The following ARHGEF37 variants were observed in gnomAD, a reference collection of about 807,000 sequenced individuals.
The protein encoded by ARHGEF37 is Rho guanine nucleotide exchange factor 37.
ARHGEF37 carries 55 observed loss-of-function variants against 71.1 expected under a neutral mutation model. The observed-to-expected ratio is 0.77, with a 90% CI of 0.62 to 0.97. The LOEUF is 0.97. Ranked by LOEUF, ARHGEF37 falls within the 50% of genes least tolerant of loss-of-function variation. The pLI is 0.00. For missense variants in ARHGEF37, 765 were observed against 836.8 expected, an observed-to-expected ratio of 0.91 and a Z score of 1.06; for synonymous variants, 327 against 350.6, an observed-to-expected ratio of 0.93 and a Z score of 0.75.
chr5:149,627,208 G>A lies in ARHGEF37; in HGVS notation c.1597G>A (p.Val533Met), dbSNP rs750465176. ...LDLTLPRGQI[V>M]AILQNKDTKG... Reference sequence around the variant, plus strand: ...CCTGACTCTGCCTCGGGGCCAAATCGTGGCCATCCTTCAAAACAAGGACAC... The same window carrying A: ...CCTGACTCTGCCTCGGGGCCAAATCATGGCCATCCTTCAAAACAAGGACAC... The change falls in exon 11 of 13, where the codon GTG becomes ATG. Residue 533 changes from valine (V) to methionine (M), a missense_variant. By Grantham distance (21) the Val-to-Met change is conservative. This residue lies in a region of ARHGEF37 where 390 missense variants were observed against 407.4 expected (regional missense o/e 0.96). Coordinates refer to ENST00000333677, the MANE Select transcript of ARHGEF37 (RefSeq NM_001001669.3). The A allele has an allele frequency of 5.9e-5, 96 of 1,613,952 alleles. No individual in the cohort carries two copies. Among genetic ancestry groups the A allele is most frequent in the Non-Finnish European group, 7.4e-5 (87 of 1,180,044 alleles).
chr5:149,628,569 T>C (rs1752771536), intron 11 of ARHGEF37, among the ~76,000 whole-genome samples: 1 of 152,152 alleles, frequency 6.6e-6, no homozygotes, highest in Non-Finnish European at 1.5e-5. Flanking sequence ...GTCTCTATCA[T>C]AGCTGATCAA....
chr5:149,621,753 G>A lies in ARHGEF37; in HGVS notation c.1026G>A (p.Leu342=). ...CACAGAAGCAACGGCTAGAAGGCCTGGTGTGGCAGCCACTGTGCAGCCTGG... is the reference window on the plus strand; with the variant it reads ...CACAGAAGCAACGGCTAGAAGGCCTAGTGTGGCAGCCACTGTGCAGCCTGG... ...FLKFKQRLEG[L]VWQPLCSLAK... The change falls in exon 9 of 13, where the codon CTG becomes CTA. Residue 342 remains leucine, a synonymous_variant. Transcript: ENST00000333677. 6.2e-7 allele frequency: 1 copy of A among 1,612,750 alleles called. No homozygotes were observed. The highest frequency in any genetic ancestry group is 8.5e-7 in the Non-Finnish European group (1 of 1,179,040).
intron 1 of ARHGEF37, among the ~76,000 whole-genome samples, chr5:149,593,069 C>T (rs1310268653): frequency 6.6e-6 from 1 of 152,180 alleles, no homozygotes; most frequent in Non-Finnish European, 1.5e-5. Flanking sequence ...TGTACCCAGG[C>T]ATTTTACATT....
rs1249146534 is a variant in ARHGEF37 at position 149,558,733 on chromosome 5, GTGTGTA to G, written c.-12+6612_-12+6617del. On this transcript the variant is annotated intron_variant, in intron 1 of 2. Transcript: ENST00000505810. ...TGTGTGTGTGTGTGTGTGTGTGTGT[GTGTGTA>G]TATATATTTTTATATGTATAAAATA... Among the ~76,000 whole-genome samples the G allele has an allele frequency of 9.6e-3, 470 of 49,036 alleles. 3 individuals are homozygous for G. The highest frequency in any genetic ancestry group is 0.032 in the African/African-American group (221 of 6,910). 32.2% of individuals were successfully genotyped at this position (49,036 alleles called of 152,430 possible). A position where few individuals can be genotyped will look rare whatever the true frequency, so the allele number is the denominator to read the frequency against.
At chr5:149,556,948 T>G (rs1762764261) in intron 1 of ARHGEF37, among the ~76,000 whole-genome samples, 2 of 152,316 alleles carry the variant, frequency 1.3e-5, no homozygotes, top group East Asian at 3.9e-4. Context: ...TTCAGCCTGT[T>G]TTTCAGTCTT....
chr5:149,566,422 T>C (rs181406573), intron 1 of ARHGEF37, among the ~76,000 whole-genome samples: 17 of 152,070 alleles, frequency 1.1e-4, no homozygotes, highest in Admixed American at 9.8e-4. Context: ...CACTTGAGCC[T>C]GGGAGGCAGA....
intron 1 of ARHGEF37, among the ~76,000 whole-genome samples, chr5:149,586,449 G>T (rs1342720991): frequency 6.6e-6 from 1 of 152,190 alleles, no homozygotes; most frequent in East Asian, 1.9e-4. Flanking sequence ...TTTCAGTAGA[G>T]ATGGGTTTTC....
chr5:149,604,475 C>T (rs2113327604), intron 3 of ARHGEF37, among the ~76,000 whole-genome samples: 1 of 152,192 alleles, frequency 6.6e-6, no homozygotes, highest in East Asian at 1.9e-4. Context: ...ACAGAGTCTG[C>T]AGAAAATATC....
chr5:149,632,192 G>T lies in ARHGEF37; in HGVS notation c.*1G>T. 1.9e-6 allele frequency: 3 copies of T among 1,613,848 alleles called. No individual in the cohort carries two copies. The highest frequency in any genetic ancestry group is 2.5e-6 in the Non-Finnish European group (3 of 1,179,840). ...GTGGGGCTGGAGTCTGCCCTCTTAG[G>T]GTACCCTCTTTGGAGCCTACATTGC... On this transcript the variant is annotated 3_prime_UTR_variant, in exon 13 of 13. Transcript: ENST00000333677.
intron 3 of ARHGEF37, among the ~76,000 whole-genome samples, chr5:149,605,226 CAAAA>C (rs142296894): frequency 1.7e-5 from 2 of 114,778 alleles, no homozygotes; most frequent in Non-Finnish European, 3.6e-5. Context: ...GACTGCATCT[CAAAA>C]AAAAAAAAAA....
At position 149,632,951 on chromosome 5, in the gene ARHGEF37, A is replaced by G. The variant is rs550440983; in HGVS notation, c.*760A>G. On this transcript the variant is annotated 3_prime_UTR_variant, in exon 13 of 13. Coordinates refer to ENST00000333677, the MANE Select transcript of ARHGEF37 (RefSeq NM_001001669.3). ...CAGCTACTGCTGTGTTCTCAGGACT[A>G]GGGAACAAAGGGGTATGCAAATCAT... The G allele has an allele frequency of 7.8e-5, 12 of 152,956 alleles. No homozygotes were observed. Among genetic ancestry groups the G allele is most frequent in the Admixed American group, 1.3e-4 (2 of 15,306 alleles). 9.5% of individuals were successfully genotyped at this position (152,956 alleles called of 1,614,324 possible).
intron 4 of ARHGEF37, among the ~76,000 whole-genome samples, chr5:149,614,657 A>G (rs1177984947): frequency 6.6e-6 from 1 of 151,868 alleles, no homozygotes; most frequent in Non-Finnish European, 1.5e-5. Flanking sequence ...AGTGGTTTCC[A>G]CCTCCCCTGC....
Position 149,622,011 on chromosome 5 carries a change from G to C in ARHGEF37, c.1284G>C (p.Gln428His), listed in dbSNP as rs1445000107. ...GQIMCTFVTLQRDLAKQVLQR... is the reference protein window; with the variant it reads ...GQIMCTFVTLHRDLAKQVLQR... Reference sequence around the variant, plus strand: ...TCATGTGCACATTCGTGACCCTCCAGAGGGACCTTGCAAAGCAAGTGCTGC... The same window carrying C: ...TCATGTGCACATTCGTGACCCTCCACAGGGACCTTGCAAAGCAAGTGCTGC... Residue 428 changes from glutamine to histidine, a missense_variant, in exon 9 of 13, where the codon CAG becomes CAC. This residue lies in a region of ARHGEF37 where 390 missense variants were observed against 407.4 expected (regional missense o/e 0.96). Transcript: ENST00000333677. 10 of 1,613,918 alleles carry C rather than the reference G, an allele frequency of 6.2e-6. No homozygotes were observed. Among genetic ancestry groups the C allele is most frequent in the Non-Finnish European group, 8.5e-6 (10 of 1,179,948 alleles).
At chr5:149,628,996 C>T (rs545773195) in intron 12 of ARHGEF37, 30 bp downstream of exon 12, 1 of 1,598,318 alleles carries the variant, frequency 6.3e-7, no homozygotes, top group East Asian at 2.2e-5. Flanking sequence ...GGGGGCTTGC[C>T]TCCCATCGGC....
chr5:149,627,423 C>T, intron 11 of ARHGEF37, 152 bp downstream of exon 11: 1 of 845,372 alleles, frequency 1.2e-6, no homozygotes, highest in Non-Finnish European at 1.8e-6. Flanking sequence ...GCTCAGGGCA[C>T]AGTCAGTTTA....
chr5:149,604,367 T>TA (rs1763844151), intron 3 of ARHGEF37, among the ~76,000 whole-genome samples: 1 of 152,088 alleles, frequency 6.6e-6, no homozygotes, highest in South Asian at 2.1e-4. Context: ...TTACTTACGC[T>TA]AAAAAATTAT....
At position 149,556,366 on chromosome 5, in the gene ARHGEF37, G is replaced by GAATT. The variant is rs371661626; in HGVS notation, c.-12+4243_-12+4244insAATT. ...ATGCCACCATGCCCAGCTAGTTTTT[G>GAATT]TATTTATTTATTTATTTATTTATTT... On this transcript the variant is annotated intron_variant, in intron 1 of 2. Transcript: ENST00000505810. Among the ~76,000 whole-genome samples, 3 of 142,676 alleles carry GAATT rather than the reference G, an allele frequency of 2.1e-5. No homozygotes were observed. In the East Asian group the frequency reaches 6.2e-4, roughly 30 times the overall value. The allele number at this position is 142,676 out of a possible 152,430, so 93.6% of individuals were successfully genotyped here. A position where few individuals can be genotyped will look rare whatever the true frequency, so the allele number is the denominator to read the frequency against.
intron 1 of ARHGEF37, among the ~76,000 whole-genome samples, chr5:149,595,331 A>G (rs1763514054): frequency 6.6e-6 from 1 of 151,698 alleles, no homozygotes; most frequent in Admixed American, 6.6e-5. Context: ...ATGTACCATC[A>G]TGCCTGACTA....
intron 1 of ARHGEF37, among the ~76,000 whole-genome samples, chr5:149,565,829 ATTTTTTTTTTTTTTTTTTTTTT>A (rs201683478): frequency 0.55 from 49,673 of 89,564 alleles, 11,320 homozygotes; most frequent in African/African-American, 0.67. Flanking sequence ...AGAAACTCTA[ATTTTTTTTTTTTTTTTTTTTTT>A]TTTTTTTTTT....
Sources: gnomAD v4.1 joint callset for allele counts (sites outside exome capture counted in the v4.1 genomes callset) on GRCh38, gnomAD v4.1.1 for gene constraint, gnomAD v4.1.1 regional missense constraint, MANE v1.5 for transcripts, NCBI Gene and HGNC (gene_info 2026-07-23, HGNC 2026-07-21) for gene names.